COL25A1: variants seen among roughly 807,000 people sequenced by gnomAD.
The protein encoded by COL25A1 is collagen type XXV alpha 1 chain, also known as collagen alpha-1(XXV) chain.
COL25A1 carries 103 observed loss-of-function variants against 128.4 expected under a neutral mutation model. The observed-to-expected ratio is 0.80, with a 90% CI of 0.68 to 0.94. The LOEUF (loss-of-function observed/expected upper bound fraction) is 0.94, where lower values mean the gene tolerates loss of function less well. Among genes scored for constraint, COL25A1 ranks in the 40% least tolerant of loss-of-function variants. The probability of loss-of-function intolerance (pLI) is 0.00; values close to 1 mark genes in which losing one functional copy is unlikely to be tolerated. For synonymous variants in COL25A1, 279 were observed against 277.2 expected (o/e 1.01, Z -0.06); for missense variants, 745 against 840.0 (o/e 0.89, Z 1.40).
At chr4:109,007,586 G>A (rs1006288656) in intron 6 of COL25A1, among the ~76,000 whole-genome samples, 3 of 152,060 alleles carry the variant, frequency 2.0e-5, no homozygotes, top group Non-Finnish European at 4.4e-5. Context: ...GCTGTGATGT[G>A]AGGAAGACAT....
At chr4:109,049,083 TTTTTAC>T (rs1760737396) in intron 4 of COL25A1, among the ~76,000 whole-genome samples, 1 of 152,150 alleles carries the variant, frequency 6.6e-6, no homozygotes, top group African/African-American at 2.4e-5. Flanking sequence ...TCACAAATGC[TTTTTAC>T]TTTTACATCT....
intron 3 of COL25A1, among the ~76,000 whole-genome samples, chr4:109,070,023 A>C (rs1330890263): frequency 6.6e-6 from 1 of 150,914 alleles, no homozygotes; most frequent in Non-Finnish European, 1.5e-5. Context: ...TTGGGAGGCC[A>C]AGGTGGGCAG....
intron 31 of COL25A1, among the ~76,000 whole-genome samples, chr4:108,833,778 C>T (rs941599440): frequency 6.6e-6 from 1 of 152,120 alleles, no homozygotes; most frequent in Non-Finnish European, 1.5e-5. Flanking sequence ...AGTTCACCTT[C>T]AGAAGACTTC....
At chr4:109,258,168 G>A (rs988573495) in intron 3 of COL25A1, among the ~76,000 whole-genome samples, 1 of 152,046 alleles carries the variant, frequency 6.6e-6, no homozygotes, top group African/African-American at 2.4e-5. Context: ...TCTCCAGTTT[G>A]TGCCCTGGTC....
chr4:108,907,529 T>G (rs1248916643), intron 13 of COL25A1, among the ~76,000 whole-genome samples: 2 of 152,226 alleles, frequency 1.3e-5, no homozygotes, highest in Admixed American at 6.5e-5. Flanking sequence ...CACTAACATC[T>G]GCTTTTCCCT....
Position 109,292,044 on chromosome 4 carries a change from G to A in COL25A1, c.367+8539C>T, listed in dbSNP as rs17040283. Among the ~76,000 whole-genome samples, 1,178 of 152,196 alleles carry A rather than the reference G, an allele frequency of 7.7e-3. 28 individuals are homozygous for A. Among genetic ancestry groups the A allele is most frequent in the East Asian group, 0.059 (303 of 5,174 alleles). ...AAAGATCACTTCTGTGTTGACAAGT[G>A]TAAGTCCTCTGGGGCTTGGACTTGC... is the stretch of plus-strand genomic sequence containing the variant. On this transcript the variant is annotated intron_variant, in intron 3 of 37. Transcript: ENST00000399132.
At chr4:109,087,009 T>C (rs905816225) in intron 3 of COL25A1, among the ~76,000 whole-genome samples, 2 of 152,144 alleles carry the variant, frequency 1.3e-5, no homozygotes, top group Non-Finnish European at 2.9e-5. Context: ...ATGGGACACT[T>C]GCTGTCACCT....
chr4:108,888,866 A>AT (rs1196051864), intron 18 of COL25A1, among the ~76,000 whole-genome samples: 1 of 152,126 alleles, frequency 6.6e-6, no homozygotes, highest in Admixed American at 6.6e-5. Flanking sequence ...AATTATAGAC[A>AT]TTTTTTTCTA....
intron 37 of COL25A1, among the ~76,000 whole-genome samples, chr4:108,814,515 C>G (rs1226214595): frequency 6.6e-6 from 1 of 152,180 alleles, no homozygotes. Context: ...TCCATTGTGA[C>G]CTAAGGCACC....
intron 3 of COL25A1, among the ~76,000 whole-genome samples, chr4:109,194,732 C>T (rs1775887679): frequency 6.6e-6 from 1 of 152,066 alleles, no homozygotes; most frequent in Non-Finnish European, 1.5e-5. Flanking sequence ...TAATGGCCCC[C>T]GTTCTTCACC....
At chr4:108,916,984 T>C (rs1744952065) in intron 13 of COL25A1, among the ~76,000 whole-genome samples, 1 of 152,164 alleles carries the variant, frequency 6.6e-6, no homozygotes, top group Non-Finnish European at 1.5e-5. Context: ...GGAATTTCAC[T>C]TAACTGAAGT....
At chr4:109,009,227 A>C (rs751031565) in intron 6 of COL25A1, among the ~76,000 whole-genome samples, 1 of 152,216 alleles carries the variant, frequency 6.6e-6, no homozygotes, top group Non-Finnish European at 1.5e-5. Context: ...TTTAGCAAAC[A>C]AGCTATAACT....
At chr4:109,091,803 T>C (rs1764933239) in intron 3 of COL25A1, among the ~76,000 whole-genome samples, 1 of 151,856 alleles carries the variant, frequency 6.6e-6, no homozygotes, top group Non-Finnish European at 1.5e-5. Flanking sequence ...CATTTTAATC[T>C]GAAATAGGGC....
At chr4:108,993,864 A>AG (rs767323308) in intron 6 of COL25A1, among the ~76,000 whole-genome samples, 2 of 151,674 alleles carry the variant, frequency 1.3e-5, no homozygotes, top group Non-Finnish European at 2.9e-5. Context: ...CCATCTCAAA[A>AG]AAAAAAAAAC....
intron 3 of COL25A1, among the ~76,000 whole-genome samples, chr4:109,254,468 T>TA (rs1780912944): frequency 3.1e-5 from 3 of 95,340 alleles, no homozygotes; most frequent in African/African-American, 4.6e-5. Flanking sequence ...TAGGCATATG[T>TA]TTATATATAT....
At chr4:109,008,610 T>C (rs954317561) in intron 6 of COL25A1, among the ~76,000 whole-genome samples, 1 of 152,178 alleles carries the variant, frequency 6.6e-6, no homozygotes, top group Non-Finnish European at 1.5e-5. Flanking sequence ...TCATCTGCTG[T>C]CTCACCACCT....
intron 6 of COL25A1, among the ~76,000 whole-genome samples, chr4:109,000,458 A>G (rs893308094): frequency 6.6e-6 from 1 of 152,144 alleles, no homozygotes; most frequent in Admixed American, 6.6e-5. Flanking sequence ...AGTGTTATAT[A>G]AAAAGTGCCA....
Position 108,974,414 on chromosome 4 carries a change from A to G in COL25A1, c.466-21T>C, listed in dbSNP as rs747466913. 1.3e-5 allele frequency: 21 copies of G among 1,613,850 alleles called. No individual in the cohort carries two copies. In the East Asian group the frequency reaches 3.8e-4, roughly 29 times the overall value. On this transcript the variant is annotated intron_variant, in intron 7 of 37. Transcript: ENST00000399132. ...TCTCCCTGTAGAATAGAAAGGTGAG[A>G]TAACAGTTTTAGCCAAAATTTATAC...
At chr4:109,040,149 C>CT (rs980370616) in intron 5 of COL25A1, among the ~76,000 whole-genome samples, 25 of 152,214 alleles carry the variant, frequency 1.6e-4, no homozygotes, top group African/African-American at 4.6e-4. Context: ...ATCTTGATGT[C>CT]TTTTTAATTC....
Sources: allele counts gnomAD v4.1 joint callset (sites outside exome capture counted in the v4.1 genomes callset), GRCh38; gene constraint gnomAD v4.1.1; transcripts MANE v1.5; gene names NCBI Gene and HGNC (gene_info 2026-07-23, HGNC 2026-07-21).